The following PDGFB variants were observed in gnomAD, a reference collection of about 807,000 sequenced individuals.
PDGFB encodes platelet derived growth factor subunit B.
In PDGFB, 6 loss-of-function variants were observed where a neutral mutation model predicts 29.0. The observed-to-expected ratio is 0.21, with a 90% CI of 0.11 to 0.41. PDGFB has a LOEUF of 0.41. PDGFB is among the 10% of genes least tolerant of loss of function. The pLI is 1.00. For synonymous variants in PDGFB, 144 were observed against 140.8 expected (o/e 1.02, Z -0.16); for missense variants, 299 against 341.8 (o/e 0.87, Z 0.99).
chr22:39,230,393 G>C (rs1788895506), intron 4 of PDGFB, among the ~76,000 whole-genome samples, 165 bp from the exon 5 acceptor site: 1 of 152,232 alleles, frequency 6.6e-6, no homozygotes, highest in African/African-American at 2.4e-5. Context: ...ACAATAGCAG[G>C]ACCTTGACCT....
At position 39,236,049 on chromosome 22, in the gene PDGFB, G is replaced by A. The variant is rs573878335; in HGVS notation, c.64-175C>T. Among the ~76,000 whole-genome samples, 18 of 152,294 alleles carry A rather than the reference G, an allele frequency of 1.2e-4. No homozygotes were observed. In the South Asian group the frequency reaches 3.7e-3, roughly 32 times the overall value. Reference sequence around the variant, plus strand: ...AGGAGCACAAAGGCCTCGGGGCCTGGACCTGCCGAAGCCTCTGAGACCCAG... The same window carrying A: ...AGGAGCACAAAGGCCTCGGGGCCTGAACCTGCCGAAGCCTCTGAGACCCAG... On this transcript the variant is annotated intron_variant, in intron 1 of 6. Coordinates refer to ENST00000331163, the MANE Select transcript of PDGFB (RefSeq NM_002608.4).
At position 39,244,034 on chromosome 22, in the gene PDGFB, G is replaced by A. The variant is rs1254201752; in HGVS notation, c.-71C>T. On this transcript the variant is annotated 5_prime_UTR_variant, in exon 1 of 7. Coordinates refer to ENST00000331163, the MANE Select transcript of PDGFB (RefSeq NM_002608.4). This position sits in a 1 kb window ranked among gnomAD's most constrained non-coding sequence, Gnocchi z 4.5. ...AGCGCGCCGCCCCCGCGGCCAGGGT[G>A]GGGGGCTGGGGAGGGGGGTGGGCTC... is the stretch of plus-strand genomic sequence containing the variant. 2.2e-6 allele frequency: 2 copies of A among 914,462 alleles called. No homozygotes were observed. Among genetic ancestry groups the A allele is most frequent in the Non-Finnish European group, 3.3e-6 (2 of 614,392 alleles). The allele number at this position is 914,462 out of a possible 1,614,324, so 56.6% of individuals were successfully genotyped here. A position where few individuals can be genotyped will look rare whatever the true frequency, so the allele number is the denominator to read the frequency against.
In PDGFB at chr22:39,243,545, G is replaced by C. The variant is rs147322884; in HGVS notation, c.63+356C>G. Among the ~76,000 whole-genome samples the C allele has an allele frequency of 7.4e-3, 1,122 of 152,248 alleles. 4 individuals are homozygous for C. The highest frequency in any genetic ancestry group is 0.012 in the Non-Finnish European group (826 of 68,002). On this transcript the variant is annotated intron_variant, in intron 1 of 6. Transcript: ENST00000331163. The surrounding 1 kb of genome is among the most constrained non-coding windows in gnomAD (Gnocchi z 6.4). ...GGCGCCGAAGTGGGCTCGGGAGGAC[G>C]CGCTGCCTTCTGCACCCTGGGCACC...
At chr22:39,240,820 G>A in intron 1 of PDGFB, 1 of 1,611,264 alleles carries the variant, frequency 6.2e-7, no homozygotes, top group Non-Finnish European at 8.5e-7. Flanking sequence ...TCCTCAATGT[G>A]GGGAGGGGAA....
In PDGFB at chr22:39,225,968, C is replaced by T. The variant is rs546146168; in HGVS notation, c.602-121G>A. ...AAAGGGACAGGAGGGGAATCTGGACCAGGGTCCTGGGTTTGGATCCCAACT... is the reference window on the plus strand; with the variant it reads ...AAAGGGACAGGAGGGGAATCTGGACTAGGGTCCTGGGTTTGGATCCCAACT... On this transcript the variant is annotated intron_variant, in intron 5 of 6. Transcript: ENST00000331163. 9.7e-5 allele frequency: 116 copies of T among 1,197,782 alleles called. 1 individual carries two copies. The highest frequency in any genetic ancestry group is 9.5e-4 in the South Asian group (58 of 61,252). 74.2% of individuals were successfully genotyped at this position (1,197,782 alleles called of 1,614,324 possible).
In PDGFB at chr22:39,235,831, T is replaced by C. The variant is rs781635346; in HGVS notation, c.107A>G (p.His36Arg). Residue 36 changes from histidine (H) to arginine (R), a missense_variant, in exon 2 of 7, where the codon CAC (histidine) becomes CGC (arginine). His to Arg is a conservative substitution (Grantham distance 29, BLOSUM62 0). Transcript: ENST00000331163. Reference protein sequence around the residue: ...PEELYEMLSDHSIRSFDDLQR... With the variant: ...PEELYEMLSDRSIRSFDDLQR... ...GAGATCATCAAAGGAGCGGATCGAGTGGTCACTCAGCATCTCATAAAGCTC... is the reference window on the plus strand; with the variant it reads ...GAGATCATCAAAGGAGCGGATCGAGCGGTCACTCAGCATCTCATAAAGCTC... 1.9e-6 allele frequency: 3 copies of C among 1,613,926 alleles called. No homozygotes were observed. The South Asian group carries it at 3.3e-5, about 18-fold the overall frequency.
In PDGFB at chr22:39,223,773, CA is replaced by C. The variant is rs1932099847; in HGVS notation, c.*1568del. On this transcript the variant is annotated 3_prime_UTR_variant, in exon 7 of 7. Transcript: ENST00000331163. ...ATTTAAAAAATAAAAGGAAAGCCCC[CA>C]AAAATATAATCACCGACTTTACAAA... The C allele has an allele frequency of 6.6e-6, 1 of 152,480 alleles. No homozygotes were observed. The highest frequency in any genetic ancestry group is 2.1e-4 in the South Asian group (1 of 4,828). The allele number at this position is 152,480 out of a possible 1,614,324, so 9.4% of individuals were successfully genotyped here. A position where few individuals can be genotyped will look rare whatever the true frequency, so the allele number is the denominator to read the frequency against.
Position 39,230,144 on chromosome 22 carries a change from C to T in PDGFB, c.541G>A (p.Glu181Lys), listed in dbSNP as rs868352019. Residue 181 changes from glutamate to lysine, a missense_variant, in exon 5 of 7, where the codon GAG becomes AAG. By Grantham distance (56) the Glu-to-Lys change is moderately conservative. Transcript: ENST00000331163. ...TLEDHLACKCETVAAARPVTR... is the reference protein window; with the variant it reads ...TLEDHLACKCKTVAAARPVTR... ...ACAGGCCGTGCAGCTGCCACTGTCT[C>T]ACACTTGCATGCCAGGTGGTCTTCC... 6.2e-7 allele frequency: 1 copy of T among 1,614,094 alleles called. No homozygotes were observed. Among genetic ancestry groups the T allele is most frequent in the South Asian group, 1.1e-5 (1 of 91,084 alleles).
In PDGFB at chr22:39,231,368, C is replaced by T. The variant is rs773408786; in HGVS notation, c.456+254G>A. 3.4e-4 allele frequency among the ~76,000 whole-genome samples: 52 copies of T among 152,188 alleles called. No individual in the cohort carries two copies. Among genetic ancestry groups the T allele is most frequent in the Non-Finnish European group, 6.3e-4 (43 of 68,038 alleles). Reference sequence around the variant, plus strand: ...CGTTGGCTCCACACCTCGCCCAGCCCGGGGGGTCTGTCTGTGGCTTTTGGC... The same window carrying T: ...CGTTGGCTCCACACCTCGCCCAGCCTGGGGGGTCTGTCTGTGGCTTTTGGC... On this transcript the variant is annotated intron_variant, in intron 4 of 6. Transcript: ENST00000331163. This position sits in a 1 kb window ranked among gnomAD's most constrained non-coding sequence, Gnocchi z 4.3.
intron 2 of PDGFB, among the ~76,000 whole-genome samples, chr22:39,235,011 G>GC (rs1437911518): frequency 1.3e-5 from 2 of 152,234 alleles, no homozygotes; most frequent in East Asian, 3.9e-4. Context: ...CTGCCTCACC[G>GC]CCCCCCAGCA....
At chr22:39,238,232 T>C (rs1932490606) in intron 1 of PDGFB, among the ~76,000 whole-genome samples, 2 of 152,164 alleles carry the variant, frequency 1.3e-5, no homozygotes, top group South Asian at 2.1e-4. Flanking sequence ...CGGTAAATAC[T>C]GGTCAAATGC....
intron 1 of PDGFB, among the ~76,000 whole-genome samples, chr22:39,240,297 G>C (rs1932536959): frequency 6.6e-6 from 1 of 151,984 alleles, no homozygotes; most frequent in African/African-American, 2.4e-5. Flanking sequence ...GACGGGGCCA[G>C]GGGATTCTGC....
At chr22:39,236,192 T>C (rs1487680105) in intron 1 of PDGFB, among the ~76,000 whole-genome samples, 1 of 152,244 alleles carries the variant, frequency 6.6e-6, no homozygotes, top group African/African-American at 2.4e-5. Flanking sequence ...CACCAAAATC[T>C]GATTTCTCCC....
chr22:39,234,673 A>C (rs1283697968), intron 2 of PDGFB, among the ~76,000 whole-genome samples: 1 of 152,218 alleles, frequency 6.6e-6, no homozygotes, highest in Non-Finnish European at 1.5e-5. Context: ...CATCTCTGGA[A>C]TGTCCCTGGT....
chr22:39,243,776 C>T lies in PDGFB; in HGVS notation c.63+125G>A. ...CTCCCAGCCCGAAGAGGTCACCCAG[C>T]GCCCGGCGTCAGGCTCGCGGGCTGC... is the stretch of plus-strand genomic sequence containing the variant. On this transcript the variant is annotated intron_variant, in intron 1 of 6. Coordinates refer to ENST00000331163, the MANE Select transcript of PDGFB (RefSeq NM_002608.4). The surrounding 1 kb of genome is among the most constrained non-coding windows in gnomAD (Gnocchi z 6.4). 1.5e-6 allele frequency: 1 copy of T among 672,698 alleles called. No homozygotes were observed. The highest frequency in any genetic ancestry group is 2.5e-6 in the Non-Finnish European group (1 of 407,110). 41.7% of individuals were successfully genotyped at this position (672,698 alleles called of 1,614,324 possible).
chr22:39,236,827 C>T (rs187385610), intron 1 of PDGFB, among the ~76,000 whole-genome samples: 56 of 152,296 alleles, frequency 3.7e-4, no homozygotes, highest in African/African-American at 1.3e-3. Flanking sequence ...TGTCGCTGCA[C>T]GTTCAAAGGC....
At chr22:39,227,150 G>A (rs942974724) in intron 5 of PDGFB, among the ~76,000 whole-genome samples, 4 of 152,094 alleles carry the variant, frequency 2.6e-5, no homozygotes, top group Non-Finnish European at 2.9e-5. Flanking sequence ...GTAGAGATGG[G>A]GTTTCACCAT....
At chr22:39,229,695 G>A (rs1341921877) in intron 5 of PDGFB, among the ~76,000 whole-genome samples, 4 of 152,208 alleles carry the variant, frequency 2.6e-5, no homozygotes, top group Non-Finnish European at 5.9e-5. Flanking sequence ...CAGACTTCTA[G>A]GAGGAGGTGA....
At position 39,242,849 on chromosome 22, in the gene PDGFB, C is replaced by G; in HGVS notation, c.63+1052G>C. ...GCAGCCGGGCGGAGGTGGGACGGTACCCAGTCACGCCGCGCTCCCGGCTGC... is the reference window on the plus strand; with the variant it reads ...GCAGCCGGGCGGAGGTGGGACGGTAGCCAGTCACGCCGCGCTCCCGGCTGC... On this transcript the variant is annotated intron_variant, in intron 1 of 6. Transcript: ENST00000331163. The surrounding 1 kb of genome is among the most constrained non-coding windows in gnomAD (Gnocchi z 5.7). 1.3e-5 allele frequency: 3 copies of G among 232,356 alleles called. No individual in the cohort carries two copies. The East Asian group carries it at 1.8e-4, about 14-fold the overall frequency. The allele number at this position is 232,356 out of a possible 1,614,324, so 14.4% of individuals were successfully genotyped here.
Sources: gnomAD v4.1 joint callset for allele counts (sites outside exome capture counted in the v4.1 genomes callset) on GRCh38, gnomAD v4.1.1 for gene constraint, Gnocchi (gnomAD v3.1) non-coding constraint, MANE v1.5 for transcripts, NCBI Gene and HGNC (gene_info 2026-07-23, HGNC 2026-07-21) for gene names.